The following CMTM8 variants were observed in gnomAD, a reference collection of about 807,000 sequenced individuals.
CMTM8 encodes CKLF like MARVEL transmembrane domain containing 8.
A neutral mutation model predicts 18.6 loss-of-function variants in CMTM8; 12 were observed. The ratio of observed to expected loss-of-function variants is 0.65; its 90% CI spans 0.41 to 1.05. The LOEUF is 1.05. Ranked by LOEUF, CMTM8 falls within the 50% of genes least tolerant of loss-of-function variation. The pLI is 0.00. For synonymous variants in CMTM8, 87 were observed against 90.6 expected, an observed-to-expected ratio of 0.96 and a Z score of 0.23; for missense variants, 217 against 227.2, an observed-to-expected ratio of 0.95 and a Z score of 0.29.
intron 1 of CMTM8, among the ~76,000 whole-genome samples, chr3:32,326,021 C>T (rs1160336202): frequency 3.3e-5 from 5 of 152,134 alleles, no homozygotes; most frequent in Non-Finnish European, 7.3e-5. Flanking sequence ...TGGCATGAAA[C>T]CTTCTCTCAG....
intron 1 of CMTM8, among the ~76,000 whole-genome samples, chr3:32,275,458 T>C (rs1253052804): frequency 2.0e-5 from 3 of 152,094 alleles, no homozygotes; most frequent in Non-Finnish European, 4.4e-5. Context: ...CTTCTTAAGA[T>C]TATTGAAAGA....
At chr3:32,250,081 C>T (rs1340994754) in intron 1 of CMTM8, among the ~76,000 whole-genome samples, 2 of 152,298 alleles carry the variant, frequency 1.3e-5, no homozygotes, top group South Asian at 2.1e-4. Flanking sequence ...TAACCTCAAT[C>T]TTTCACATAT....
intron 1 of CMTM8, among the ~76,000 whole-genome samples, chr3:32,356,292 C>T (rs1575093661): frequency 3.9e-5 from 6 of 152,316 alleles, no homozygotes; most frequent in Admixed American, 3.9e-4. Flanking sequence ...GGCTAGAGCC[C>T]ACCCTGGACT....
intron 1 of CMTM8, among the ~76,000 whole-genome samples, chr3:32,306,383 G>T (rs1695715996): frequency 6.6e-6 from 1 of 152,230 alleles, no homozygotes; most frequent in Non-Finnish European, 1.5e-5. Context: ...ATCCAGTCTG[G>T]ATTCAAAGTG....
chr3:32,267,112 T>C lies in CMTM8; in HGVS notation c.147+27993T>C, dbSNP rs542566228. On this transcript the variant is annotated intron_variant, in intron 1 of 3. Transcript: ENST00000307526. ...TTGGAAAAAACTACTTTAAAGTTCA[T>C]ATGGAACCAAAAAGGAGCCCGCATC... 7.5e-3 allele frequency among the ~76,000 whole-genome samples: 1,144 copies of C among 152,218 alleles called. 12 individuals carry two copies. Among genetic ancestry groups the C allele is most frequent in the Admixed American group, 0.012 (182 of 15,296 alleles).
At chr3:32,267,005 C>T (rs1467178746) in intron 1 of CMTM8, among the ~76,000 whole-genome samples, 1 of 152,080 alleles carries the variant, frequency 6.6e-6, no homozygotes, top group Non-Finnish European at 1.5e-5. Flanking sequence ...GAATCAATAT[C>T]GTGAAAATGG....
At chr3:32,242,294 A>G (rs903811654) in intron 1 of CMTM8, among the ~76,000 whole-genome samples, 23 of 152,158 alleles carry the variant, frequency 1.5e-4, no homozygotes, top group African/African-American at 5.6e-4. Context: ...TTTAAAATGT[A>G]TTCTTTTATT....
At chr3:32,249,997 A>G (rs1702091946) in intron 1 of CMTM8, among the ~76,000 whole-genome samples, 1 of 152,142 alleles carries the variant, frequency 6.6e-6, no homozygotes, top group Admixed American at 6.5e-5. Context: ...TTTTCTTCTA[A>G]AAGTTGTAGG....
At chr3:32,311,805 G>T (rs1378124040) in intron 1 of CMTM8, among the ~76,000 whole-genome samples, 1 of 152,182 alleles carries the variant, frequency 6.6e-6, no homozygotes, top group Non-Finnish European at 1.5e-5. Flanking sequence ...CCACCAGACT[G>T]CCCCTGCCCA....
At chr3:32,274,341 A>G (rs954845209) in intron 1 of CMTM8, among the ~76,000 whole-genome samples, 3 of 151,936 alleles carry the variant, frequency 2.0e-5, no homozygotes, top group African/African-American at 7.3e-5. Flanking sequence ...TACTTGTTTC[A>G]TTTGGGAGGA....
At chr3:32,361,294 T>C (rs1696924261) in intron 2 of CMTM8, among the ~76,000 whole-genome samples, 1 of 146,542 alleles carries the variant, frequency 6.8e-6, no homozygotes, top group Admixed American at 6.9e-5. Context: ...GAGTTTTTTT[T>C]TCTTTCAAAT....
At chr3:32,278,116 T>A (rs530488784) in intron 1 of CMTM8, among the ~76,000 whole-genome samples, 1 of 152,276 alleles carries the variant, frequency 6.6e-6, no homozygotes, top group South Asian at 2.1e-4. Context: ...TTTCCCACCA[T>A]CCTGTCTGCT....
At chr3:32,316,669 T>A (rs1171994182) in intron 1 of CMTM8, among the ~76,000 whole-genome samples, 1 of 152,108 alleles carries the variant, frequency 6.6e-6, no homozygotes, top group East Asian at 1.9e-4. Flanking sequence ...TTTGGGGATT[T>A]TTTTTTCCCC....
chr3:32,348,547 A>G (rs1191019386), intron 1 of CMTM8, among the ~76,000 whole-genome samples: 4 of 4,086 alleles, frequency 9.8e-4, no homozygotes, highest in African/African-American at 1.5e-3. Context: ...TTTTTTGGAG[A>G]CAAGATCTGA....
chr3:32,303,628 C>A (rs1018126622), intron 1 of CMTM8, among the ~76,000 whole-genome samples: 1 of 152,128 alleles, frequency 6.6e-6, no homozygotes, highest in Admixed American at 6.5e-5. Context: ...CCCCCCTCCC[C>A]CTCCCAACTG....
intron 1 of CMTM8, among the ~76,000 whole-genome samples, chr3:32,276,769 C>G (rs1702525619): frequency 6.6e-6 from 1 of 152,188 alleles, no homozygotes; most frequent in Non-Finnish European, 1.5e-5. Context: ...CTTCATGAAG[C>G]TGTTTGTCTG....
intron 1 of CMTM8, among the ~76,000 whole-genome samples, chr3:32,287,617 GAGTT>G (rs1702708146): frequency 6.6e-6 from 1 of 152,196 alleles, no homozygotes; most frequent in Admixed American, 6.6e-5. Context: ...GAAAACATGA[GAGTT>G]AGGGAAATAA....
chr3:32,325,898 C>T (rs544354271), intron 1 of CMTM8, among the ~76,000 whole-genome samples: 19 of 152,310 alleles, frequency 1.2e-4, no homozygotes, highest in South Asian at 2.1e-4. Flanking sequence ...GTGGAGCTTT[C>T]GAACCCACCA....
chr3:32,345,754 C>T (rs1306799040), intron 1 of CMTM8, among the ~76,000 whole-genome samples: 1 of 152,168 alleles, frequency 6.6e-6, no homozygotes, highest in Non-Finnish European at 1.5e-5. Flanking sequence ...TTCTGGAAGA[C>T]GGTTCTGGAG....
Sources: gnomAD v4.1 joint callset for allele counts (sites outside exome capture counted in the v4.1 genomes callset) on GRCh38, gnomAD v4.1.1 for gene constraint, MANE v1.5 for transcripts, NCBI Gene and HGNC (gene_info 2026-07-23, HGNC 2026-07-21) for gene names.